The following NFATC3 variants were observed in gnomAD, a reference collection of about 807,000 sequenced individuals.
The protein encoded by NFATC3 is nuclear factor of activated T cells 3, also known as nuclear factor of activated T-cells, cytoplasmic 3.
A neutral mutation model predicts 98.6 loss-of-function variants in NFATC3; 46 were observed. The observed-to-expected ratio is 0.47, with a 90% CI of 0.37 to 0.60. The LOEUF is 0.60. NFATC3 is among the 20% of genes least tolerant of loss of function. NFATC3 has a pLI of 0.00. For synonymous variants in NFATC3, 512 were observed against 472.2 expected (o/e 1.08, Z -1.09); for missense variants, 1,256 against 1,295.5 (o/e 0.97, Z 0.47).
rs564565955 is a variant in NFATC3 at position 68,143,701 on chromosome 16, A to C, written c.1402-14168A>C. ...CCATCTCTACTAAAAAATAACAAAA[A>C]TTAGCTGGGCATGGTGGTGCTCACC... On this transcript the variant is annotated intron_variant, in intron 3 of 9. Coordinates refer to ENST00000346183, the MANE Select transcript of NFATC3 (RefSeq NM_173165.3). Among the ~76,000 whole-genome samples, 9 of 152,146 alleles carry C rather than the reference A, an allele frequency of 5.9e-5. No homozygotes were observed. The East Asian group carries it at 1.7e-3, about 29-fold the overall frequency.
At chr16:68,211,639 C>T (rs1180543543) in intron 9 of NFATC3, among the ~76,000 whole-genome samples, 1 of 151,860 alleles carries the variant, frequency 6.6e-6, no homozygotes. Context: ...TCTCCTGCCT[C>T]AGCTTCCTGA....
rs1263970399 is a variant in NFATC3, at chr16:68,167,807, G to GTTTT, written c.1774+794_1774+795insTTTT. Among the ~76,000 whole-genome samples the GTTTT allele has an allele frequency of 1.9e-3, 45 of 23,624 alleles. 1 individual carries two copies. Among genetic ancestry groups the GTTTT allele is most frequent in the South Asian group, 7.4e-3 (5 of 678 alleles). 15.5% of individuals were successfully genotyped at this position (23,624 alleles called of 152,430 possible). A position where few individuals can be genotyped will look rare whatever the true frequency, so the allele number is the denominator to read the frequency against. ...TGTTTTATATCTGTTAACCGTATGT[G>GTTTT]TTCTTTTTTTTTTTTTTTTTTTTTT... On this transcript the variant is annotated intron_variant, in intron 5 of 9. Transcript: ENST00000346183.
chr16:68,152,089 G>A (rs1442946368), intron 3 of NFATC3, among the ~76,000 whole-genome samples: 1 of 144,104 alleles, frequency 6.9e-6, no homozygotes, highest in African/African-American at 2.6e-5. Flanking sequence ...AAGGCTGGGT[G>A]CAGTGGCTCA....
At chr16:68,185,241 C>T (rs1317542329) in intron 8 of NFATC3, among the ~76,000 whole-genome samples, 18 of 152,088 alleles carry the variant, frequency 1.2e-4, no homozygotes, top group Admixed American at 8.5e-4. Context: ...CCTTCCAAAG[C>T]GCTGGGATTG....
intron 9 of NFATC3, among the ~76,000 whole-genome samples, chr16:68,214,826 T>C (rs1212678503): frequency 6.6e-6 from 1 of 152,166 alleles, no homozygotes; most frequent in East Asian, 1.9e-4. Flanking sequence ...CAGGAAATTT[T>C]GTCCGTTTTT....
intron 5 of NFATC3, 61 bp downstream of exon 5, chr16:68,167,076 C>G: frequency 6.5e-7 from 1 of 1,531,228 alleles, no homozygotes; most frequent in Non-Finnish European, 8.9e-7. Flanking sequence ...TTCTGTTTTA[C>G]TTATAATGTA....
chr16:68,187,765 T>C (rs1375667308), intron 8 of NFATC3, among the ~76,000 whole-genome samples: 2 of 152,114 alleles, frequency 1.3e-5, no homozygotes, highest in Admixed American at 1.3e-4. Flanking sequence ...AGAAAGTGCA[T>C]GCTGACTGGT....
intron 5 of NFATC3, among the ~76,000 whole-genome samples, chr16:68,172,307 G>A (rs2039504064): frequency 6.6e-6 from 1 of 152,136 alleles, no homozygotes; most frequent in Admixed American, 6.6e-5. Context: ...TACTCTGCTA[G>A]CCAAAGAAAA....
chr16:68,111,581 A>G (rs1296299577), intron 1 of NFATC3, among the ~76,000 whole-genome samples: 6 of 151,858 alleles, frequency 4.0e-5, no homozygotes. Context: ...TAGCCAGCTA[A>G]CCATTTTGTG....
intron 3 of NFATC3, among the ~76,000 whole-genome samples, chr16:68,128,169 A>T (rs1398649166): frequency 6.6e-6 from 1 of 152,150 alleles, no homozygotes; most frequent in Non-Finnish European, 1.5e-5. Flanking sequence ...TATTTATTGA[A>T]TACTGTAGTG....
intron 1 of NFATC3, among the ~76,000 whole-genome samples, chr16:68,097,170 G>A (rs1255069071): frequency 6.6e-6 from 1 of 152,094 alleles, no homozygotes; most frequent in African/African-American, 2.4e-5. Flanking sequence ...TGTGGTAGGA[G>A]AATTAGCTTT....
At chr16:68,129,745 A>T (rs140389066) in intron 3 of NFATC3, among the ~76,000 whole-genome samples, 1 of 146,578 alleles carries the variant, frequency 6.8e-6, no homozygotes, top group South Asian at 2.1e-4. Flanking sequence ...TGGCATGATC[A>T]TACCTAACTG....
intron 1 of NFATC3, among the ~76,000 whole-genome samples, chr16:68,100,801 C>T (rs1259830856): frequency 6.6e-6 from 1 of 151,046 alleles, no homozygotes; most frequent in African/African-American, 2.4e-5. Context: ...TGATTTTTGC[C>T]ATCCGTATAT....
At chr16:68,208,965 G>A (rs2041262660) in intron 9 of NFATC3, among the ~76,000 whole-genome samples, 1 of 152,076 alleles carries the variant, frequency 6.6e-6, no homozygotes, top group Non-Finnish European at 1.5e-5. Context: ...TAATTTGGAT[G>A]GGCTTTATGT....
At chr16:68,167,421 C>A (rs1337943337) in intron 5 of NFATC3, among the ~76,000 whole-genome samples, 2 of 152,194 alleles carry the variant, frequency 1.3e-5, no homozygotes, top group Non-Finnish European at 2.9e-5. Context: ...TAAGCTGATA[C>A]TTTAGCTAAA....
intron 1 of NFATC3, among the ~76,000 whole-genome samples, chr16:68,090,160 C>T (rs1036625946): frequency 1.3e-5 from 2 of 152,014 alleles, no homozygotes; most frequent in African/African-American, 4.8e-5. Context: ...TATTTTCTCA[C>T]TTTTCAGTTT....
intron 1 of NFATC3, chr16:68,089,360 G>A (rs931385983): frequency 8.0e-6 from 7 of 875,846 alleles, no homozygotes; most frequent in Non-Finnish European, 6.8e-6. Flanking sequence ...GACTTTTTAA[G>A]ACTACTGTTT....
At chr16:68,130,731 G>A (rs1490989337) in intron 3 of NFATC3, among the ~76,000 whole-genome samples, 1 of 152,022 alleles carries the variant, frequency 6.6e-6, no homozygotes, top group Non-Finnish European at 1.5e-5. Flanking sequence ...TCAGCGTTAT[G>A]GAGCTTTCCC....
intron 5 of NFATC3, among the ~76,000 whole-genome samples, chr16:68,169,087 T>C (rs1439543837): frequency 6.6e-6 from 1 of 152,122 alleles, no homozygotes; most frequent in Admixed American, 6.6e-5. Flanking sequence ...ATTCAGCCTA[T>C]ATTAACTTTT....
Sources: gnomAD v4.1 joint callset for allele counts (sites outside exome capture counted in the v4.1 genomes callset) on GRCh38, gnomAD v4.1.1 for gene constraint, MANE v1.5 for transcripts, NCBI Gene and HGNC (gene_info 2026-07-23, HGNC 2026-07-21) for gene names.